Variants in GRIN2A observed in about 807,000 individuals in gnomAD.
GRIN2A encodes the protein glutamate receptor ionotropic, NMDA 2A.
In GRIN2A, 22 loss-of-function variants were observed where a neutral mutation model predicts 113.4. The observed-to-expected ratio is 0.19, with a 90% CI of 0.14 to 0.28. The LOEUF is 0.28. GRIN2A is among the 10% of genes least tolerant of loss of function. The pLI, the probability that GRIN2A is intolerant of heterozygous loss-of-function variation, is 1.00. For missense variants in GRIN2A, 1,502 were observed against 1,887.0 expected (o/e 0.80, Z 3.78); for synonymous variants, 827 against 738.4 (o/e 1.12, Z -1.94).
intron 2 of GRIN2A, among the ~76,000 whole-genome samples, chr16:10,161,035 G>A (rs373416531): frequency 1.3e-5 from 2 of 152,202 alleles, no homozygotes; most frequent in Non-Finnish European, 2.9e-5. Flanking sequence ...GCTTTTACTT[G>A]TGATATGGTT....
chr16:9,807,901 C>T (rs2042013749), intron 10 of GRIN2A, among the ~76,000 whole-genome samples: 1 of 152,192 alleles, frequency 6.6e-6, no homozygotes, highest in Admixed American at 6.5e-5. Flanking sequence ...TGTTTATGCA[C>T]TGGTTGAATG....
chr16:10,019,908 G>A (rs558915307), intron 2 of GRIN2A, among the ~76,000 whole-genome samples: 8 of 152,260 alleles, frequency 5.3e-5, no homozygotes, highest in South Asian at 2.1e-4. Context: ...TTTGTGAAGC[G>A]ATTAGATCTT....
chr16:10,071,974 C>G (rs192880788), intron 2 of GRIN2A, among the ~76,000 whole-genome samples: 1 of 152,278 alleles, frequency 6.6e-6, no homozygotes, highest in East Asian at 1.9e-4. Context: ...AGCTAAAATT[C>G]AAACCAGGCA....
At chr16:9,892,680 C>A (rs922407846) in intron 3 of GRIN2A, among the ~76,000 whole-genome samples, 1 of 152,150 alleles carries the variant, frequency 6.6e-6, no homozygotes, top group African/African-American at 2.4e-5. Flanking sequence ...GGCCTGTACT[C>A]AGGCTGAACT....
intron 2 of GRIN2A, among the ~76,000 whole-genome samples, chr16:10,064,739 AC>A (rs2047614945): frequency 6.6e-6 from 1 of 152,222 alleles, no homozygotes; most frequent in African/African-American, 2.4e-5. Context: ...TCTGACTCTT[AC>A]TTGCATAGTC....
chr16:10,020,006 T>G (rs1293260691), intron 2 of GRIN2A, among the ~76,000 whole-genome samples: 2 of 152,200 alleles, frequency 1.3e-5, no homozygotes, highest in Admixed American at 6.5e-5. Flanking sequence ...GTGGTGATCA[T>G]TTCACAGTCT....
At chr16:9,925,543 C>T (rs1330142652) in intron 3 of GRIN2A, among the ~76,000 whole-genome samples, 2 of 152,190 alleles carry the variant, frequency 1.3e-5, no homozygotes, top group Non-Finnish European at 2.9e-5. Context: ...TTTGTCTCTG[C>T]CATTCAGGGA....
chr16:9,807,067 C>T (rs903972238), intron 10 of GRIN2A, among the ~76,000 whole-genome samples: 1 of 151,226 alleles, frequency 6.6e-6, no homozygotes, highest in Non-Finnish European at 1.5e-5. Flanking sequence ...ATGCCTTTCA[C>T]CTTCCACCAT....
At chr16:10,132,340 C>CAAAAAAAAAAAAAAAAAAA (rs71402435) in intron 2 of GRIN2A, among the ~76,000 whole-genome samples, 1,774 of 60,942 alleles carry the variant, frequency 0.029, 129 homozygotes, top group Admixed American at 0.046. Context: ...GACACCGTCT[C>CAAAAAAAAAAAAAAAAAAA]AAAAAAAAAA....
chr16:9,883,042 C>T (rs1359318574), intron 4 of GRIN2A, among the ~76,000 whole-genome samples: 3 of 152,174 alleles, frequency 2.0e-5, no homozygotes, highest in Non-Finnish European at 4.4e-5. Context: ...ATCCTTCTTC[C>T]ATCACACACC....
rs574868758 is a variant in GRIN2A, at chr16:9,972,793, A to G, written c.415-34242T>C. 3.3e-5 allele frequency among the ~76,000 whole-genome samples: 5 copies of G among 152,356 alleles called. No individual in the cohort carries two copies. In the East Asian group the frequency reaches 9.7e-4, roughly 29 times the overall value. On this transcript the variant is annotated intron_variant, in intron 2 of 12. Coordinates refer to ENST00000330684, the MANE Select transcript of GRIN2A (RefSeq NM_001134407.3). ...ACCCAAGATCACCTTGCCACTGTCT[A>G]GACAGAGCCGATTTATCAAGACAGG...
rs2141127318 is a variant in GRIN2A, at chr16:9,763,511, G to A, written c.4033C>T (p.Pro1345Ser). The A allele has an allele frequency of 1.2e-6, 2 of 1,614,058 alleles. No individual in the cohort carries two copies. The highest frequency in any genetic ancestry group is 1.7e-6 in the Non-Finnish European group (2 of 1,180,006). Residue 1345 changes from proline (P) to serine (S), a missense_variant, in exon 13 of 13, where the codon CCC (proline) becomes TCC (serine). This residue lies in a region of GRIN2A where 832 missense variants were observed against 789.7 expected (regional missense o/e 1.05). Coordinates refer to ENST00000330684, the MANE Select transcript of GRIN2A (RefSeq NM_001134407.3). Reference sequence around the variant, plus strand: ...CTCTTGCTGTCCTCCAGACCTTGGGGGAAAAGGGAGCTTTTTTTCCCCGAG... The same window carrying A: ...CTCTTGCTGTCCTCCAGACCTTGGGAGAAAAGGGAGCTTTTTTTCCCCGAG... ...KLSGKKSSLF[P>S]QGLEDSKRSK... is the part of the protein sequence containing the mutation.
intron 2 of GRIN2A, among the ~76,000 whole-genome samples, chr16:9,946,388 G>A (rs565782104): frequency 6.6e-6 from 1 of 152,322 alleles, no homozygotes; most frequent in African/African-American, 2.4e-5. Flanking sequence ...GGGTCTCTGA[G>A]GAGCTGATAA....
intron 2 of GRIN2A, among the ~76,000 whole-genome samples, chr16:10,090,013 G>C (rs745338979): frequency 1.8e-4 from 28 of 151,794 alleles, no homozygotes; most frequent in Non-Finnish European, 3.1e-4. Flanking sequence ...GATACCATGT[G>C]ATAAAAAAAA....
intron 2 of GRIN2A, among the ~76,000 whole-genome samples, chr16:10,131,224 A>T (rs575022452): frequency 6.6e-6 from 1 of 152,226 alleles, no homozygotes; most frequent in Non-Finnish European, 1.5e-5. Context: ...GCTAGTGGAG[A>T]ACAGGTTTTA....
Position 9,763,103 on chromosome 16 carries a change from G to C in GRIN2A, c.*46C>G. The C allele has an allele frequency of 6.3e-7, 1 of 1,575,000 alleles. No individual in the cohort carries two copies. The highest frequency in any genetic ancestry group is 8.7e-7 in the Non-Finnish European group (1 of 1,147,426). ...CCAACATTTACCCTCCAGAACATTG[G>C]CCATTACGTATATTTCCCTATAGAT... On this transcript the variant is annotated 3_prime_UTR_variant, in exon 13 of 13. Transcript: ENST00000330684.
chr16:9,985,899 C>A (rs1402779037), intron 2 of GRIN2A, among the ~76,000 whole-genome samples: 1 of 152,164 alleles, frequency 6.6e-6, no homozygotes, highest in East Asian at 1.9e-4. Context: ...ACCCCATCTA[C>A]TCTGATGTGA....
At chr16:9,804,002 C>A (rs2041916881) in intron 10 of GRIN2A, among the ~76,000 whole-genome samples, 2 of 152,212 alleles carry the variant, frequency 1.3e-5, no homozygotes, top group South Asian at 4.1e-4. Flanking sequence ...TCCACTTCAT[C>A]TGTCTCGTTC....
chr16:10,068,525 A>C (rs539154460), intron 2 of GRIN2A, among the ~76,000 whole-genome samples: 2 of 152,206 alleles, frequency 1.3e-5, no homozygotes, highest in African/African-American at 4.8e-5. Context: ...ACTCGGAGCA[A>C]GAGTTCACTC....
Sources: allele counts gnomAD v4.1 joint callset (sites outside exome capture counted in the v4.1 genomes callset), GRCh38; gene constraint gnomAD v4.1.1; regional missense constraint gnomAD v4.1.1; transcripts MANE v1.5; gene names NCBI Gene and HGNC (gene_info 2026-07-23, HGNC 2026-07-21).